The following GPC5 variants were observed in gnomAD, a reference collection of about 807,000 sequenced individuals.
The protein encoded by GPC5 is glypican-5.
In GPC5, 47 loss-of-function variants were observed where a neutral mutation model predicts 53.9. That is an observed-to-expected ratio of 0.87 (90% confidence interval 0.69 to 1.11). The LOEUF is 1.11. Ranked by LOEUF, GPC5 falls within the 50% of genes most tolerant of loss-of-function variation. The pLI is 0.00. For missense variants in GPC5, 748 were observed against 713.1 expected (o/e 1.05, Z -0.56); for synonymous variants, 286 against 263.3 (o/e 1.09, Z -0.84).
In GPC5 at chr13:92,517,354, G is replaced by A. The variant is rs148446314; in HGVS notation, c.1562-348928G>A. 8.8e-3 allele frequency among the ~76,000 whole-genome samples: 1,337 copies of A among 152,300 alleles called. 19 individuals carry two copies. The highest frequency in any genetic ancestry group is 0.031 in the African/African-American group (1,279 of 41,560). ...AAGAGAGTAGTGTTTCTCCCAGCAT[G>A]CAGCTTGAGATCTGAGAATGGACAG... On this transcript the variant is annotated intron_variant, in intron 7 of 7. Coordinates refer to ENST00000377067, the MANE Select transcript of GPC5 (RefSeq NM_004466.6).
chr13:91,667,611 C>T (rs144052971), intron 2 of GPC5, among the ~76,000 whole-genome samples: 300 of 152,274 alleles, frequency 2.0e-3, no homozygotes, highest in African/African-American at 7.0e-3. Context: ...TCCCCCATAT[C>T]TCCCTAACAT....
chr13:92,831,422 AT>A (rs1232591378), intron 7 of GPC5, among the ~76,000 whole-genome samples: 2 of 152,020 alleles, frequency 1.3e-5, no homozygotes, highest in Non-Finnish European at 2.9e-5. Context: ...CATTACTCCC[AT>A]TTTCAGATTG....
At chr13:92,695,875 C>T (rs980554239) in intron 7 of GPC5, among the ~76,000 whole-genome samples, 4 of 151,932 alleles carry the variant, frequency 2.6e-5, no homozygotes, top group Non-Finnish European at 4.4e-5. Flanking sequence ...TGACAGGCCC[C>T]GGTGTGTGGT....
chr13:92,593,968 A>C (rs1883790988), intron 7 of GPC5, among the ~76,000 whole-genome samples: 1 of 152,192 alleles, frequency 6.6e-6, no homozygotes, highest in Non-Finnish European at 1.5e-5. Flanking sequence ...AATTTTTTTA[A>C]AGGCATAAAC....
At chr13:92,354,630 C>G (rs1315752825) in intron 7 of GPC5, among the ~76,000 whole-genome samples, 1 of 152,114 alleles carries the variant, frequency 6.6e-6, no homozygotes, top group Non-Finnish European at 1.5e-5. Flanking sequence ...AAACTAGATA[C>G]TGGTAAGATT....
chr13:92,796,963 T>C (rs550986495), intron 7 of GPC5, among the ~76,000 whole-genome samples: 5 of 151,948 alleles, frequency 3.3e-5, no homozygotes, highest in Non-Finnish European at 7.4e-5. Context: ...ATCAACTGGC[T>C]TCTTCGAAAA....
chr13:92,338,548 T>C (rs1280988726), intron 7 of GPC5, among the ~76,000 whole-genome samples: 1 of 152,032 alleles, frequency 6.6e-6, no homozygotes, highest in Non-Finnish European at 1.5e-5. Flanking sequence ...CATCCTACAA[T>C]GGAATATTAT....
chr13:91,922,083 TGATAAACC>T (rs1276440785), intron 6 of GPC5, among the ~76,000 whole-genome samples: 1 of 152,028 alleles, frequency 6.6e-6, no homozygotes, highest in Non-Finnish European at 1.5e-5. Context: ...TGCCAAGAGT[TGATAAACC>T]AAAAACAGAA....
rs554506320 is a variant in GPC5 at position 91,609,811 on chromosome 13, A to T, written c.326-83376A>T. ...GCTCACTGGGCTGAAGTGTTTCAGG[A>T]TGGATATGGAAAAAACCCAGGCTGT... is the stretch of plus-strand genomic sequence containing the variant. On this transcript the variant is annotated intron_variant, in intron 2 of 7. Transcript: ENST00000377067. Among the ~76,000 whole-genome samples the T allele has an allele frequency of 2.0e-5, 3 of 152,230 alleles. No individual in the cohort carries two copies. In the South Asian group the frequency reaches 6.2e-4, roughly 32 times the overall value.
At chr13:92,720,967 GAT>G (rs1365191576) in intron 7 of GPC5, among the ~76,000 whole-genome samples, 3 of 151,980 alleles carry the variant, frequency 2.0e-5, no homozygotes, top group Non-Finnish European at 4.4e-5. Context: ...TTCCTTTCTG[GAT>G]ATCTGAAGTG....
intron 7 of GPC5, among the ~76,000 whole-genome samples, chr13:92,795,754 T>G (rs1876652968): frequency 6.6e-6 from 1 of 152,036 alleles, no homozygotes; most frequent in African/African-American, 2.4e-5. Context: ...AACAGACACA[T>G]GAAAAAATGC....
intron 6 of GPC5, among the ~76,000 whole-genome samples, chr13:92,053,426 G>A (rs1252744065): frequency 6.6e-6 from 1 of 152,168 alleles, no homozygotes; most frequent in East Asian, 1.9e-4. Flanking sequence ...AAGGTACTGA[G>A]CCGAGGCAAG....
chr13:92,143,196 T>A (rs962016448), intron 6 of GPC5, among the ~76,000 whole-genome samples: 1 of 152,162 alleles, frequency 6.6e-6, no homozygotes, highest in Non-Finnish European at 1.5e-5. Flanking sequence ...TATGTCAGAA[T>A]CCAAGATTCA....
At chr13:92,295,901 A>G (rs1281828643) in intron 7 of GPC5, among the ~76,000 whole-genome samples, 4 of 151,920 alleles carry the variant, frequency 2.6e-5, no homozygotes, top group Non-Finnish European at 5.9e-5. Context: ...GTGAATTCTT[A>G]CTCGTTCTGC....
At chr13:91,745,805 G>A (rs1037405680) in intron 4 of GPC5, among the ~76,000 whole-genome samples, 13 of 152,084 alleles carry the variant, frequency 8.5e-5, no homozygotes, top group African/African-American at 1.4e-4. Flanking sequence ...TATGATAAAC[G>A]TGCCATATAT....
At chr13:92,430,933 T>G (rs946860400) in intron 7 of GPC5, among the ~76,000 whole-genome samples, 3 of 152,168 alleles carry the variant, frequency 2.0e-5, no homozygotes, top group African/African-American at 4.8e-5. Flanking sequence ...AATAGTGACT[T>G]CTAACATGGC....
At chr13:92,582,299 A>G (rs2139054916) in intron 7 of GPC5, among the ~76,000 whole-genome samples, 1 of 152,110 alleles carries the variant, frequency 6.6e-6, no homozygotes, top group Admixed American at 6.6e-5. Flanking sequence ...TATTGAAGAG[A>G]CTGTTCATTC....
At chr13:91,550,899 G>T (rs1433785820) in intron 2 of GPC5, among the ~76,000 whole-genome samples, 2 of 152,084 alleles carry the variant, frequency 1.3e-5, no homozygotes, top group African/African-American at 4.8e-5. Context: ...CATGTAAGAC[G>T]TGACTTTGCT....
At chr13:91,608,301 G>A (rs1180346755) in intron 2 of GPC5, among the ~76,000 whole-genome samples, 2 of 152,114 alleles carry the variant, frequency 1.3e-5, no homozygotes, top group Admixed American at 1.3e-4. Context: ...ACCATTATAT[G>A]GATTATTATA....
Sources: allele counts gnomAD v4.1 joint callset (sites outside exome capture counted in the v4.1 genomes callset), GRCh38; gene constraint gnomAD v4.1.1; transcripts MANE v1.5; gene names NCBI Gene and HGNC (gene_info 2026-07-23, HGNC 2026-07-21).